Variants in BGLAP observed in about 807,000 individuals in gnomAD.
The protein encoded by BGLAP is osteocalcin.
BGLAP carries 15 observed loss-of-function variants against 13.7 expected under a neutral mutation model. The ratio of observed to expected loss-of-function variants is 1.09; its 90% confidence interval spans 0.73 to 1.68. The LOEUF is 1.68. BGLAP is among the 40% of genes most tolerant of loss of function. The pLI is 0.00. For synonymous variants in BGLAP, 67 were observed against 56.2 expected, an observed-to-expected ratio of 1.19 and a Z score of -0.86; for missense variants, 120 against 134.3, an observed-to-expected ratio of 0.89 and a Z score of 0.53.
Position 156,243,155 on chromosome 1 carries a change from C to G in BGLAP, c.296C>G (p.Pro99Arg). 6.2e-7 allele frequency: 1 copy of G among 1,613,812 alleles called. No individual in the cohort carries two copies. The stretch of plus-strand genomic sequence containing the variant: ...GAGGCCTATCGGCGCTTCTACGGCC[C>G]GGTCTAGGGTGTCGCTCTGCTGGCC... ...FQEAYRRFYG[P>R]V The change falls in exon 4 of 4, where the codon CCG becomes CGG. Residue 99 changes from proline to arginine, a missense_variant. Transcript: ENST00000368272.
At chr1:156,242,628 C>G in intron 2 of BGLAP, 37 bp downstream of exon 2, 1 of 1,581,598 alleles carries the variant, frequency 6.3e-7, no homozygotes, top group Non-Finnish European at 8.6e-7. Flanking sequence ...TGGACCCTCC[C>G]CTCTCACCCT....
chr1:156,243,231 C>T lies in BGLAP; in HGVS notation c.*69C>T. 6.3e-7 allele frequency: 1 copy of T among 1,598,282 alleles called. No homozygotes were observed. ...TCTCCAGGCACCCTTCTTTCCTCTTCCCCTTGCCCTTGCCCTGACCTCCCA... is the reference window on the plus strand; with the variant it reads ...TCTCCAGGCACCCTTCTTTCCTCTTTCCCTTGCCCTTGCCCTGACCTCCCA... On this transcript the variant is annotated 3_prime_UTR_variant, in exon 4 of 4. Transcript: ENST00000368272.
Position 156,243,102 on chromosome 1 carries a change from C to A in BGLAP, c.243C>A (p.Asp81Glu), listed in dbSNP as rs775628553. Residue 81 changes from aspartate to glutamate, a missense_variant, in exon 4 of 4, where the codon GAC (aspartate) becomes GAA (glutamate). Transcript: ENST00000368272. ...TGTGTGAGCTCAATCCGGACTGTGA[C>A]GAGTTGGCTGACCACATCGGCTTTC... is the stretch of plus-strand genomic sequence containing the variant. ...REVCELNPDC[D>E]ELADHIGFQE... is the part of the protein sequence containing the mutation. The A allele has an allele frequency of 2.4e-5, 39 of 1,614,030 alleles. No individual in the cohort carries two copies. The highest frequency in any genetic ancestry group is 3.1e-5 in the Non-Finnish European group (37 of 1,180,014).
At chr1:156,242,450 G>A in intron 1 of BGLAP, 103 bp from the exon 2 acceptor site, 1 of 1,548,416 alleles carries the variant, frequency 6.5e-7, no homozygotes, top group Non-Finnish European at 8.7e-7. Flanking sequence ...CTCTGCCCTT[G>A]CAGAGGGAGA....
At chr1:156,242,636 C>T (rs1659508505) in intron 2 of BGLAP, 45 bp downstream of exon 2, 2 of 1,589,816 alleles carry the variant, frequency 1.3e-6, no homozygotes, top group Middle Eastern at 1.7e-4. Flanking sequence ...CCCCTCTCAC[C>T]CTGGTCCCTC....
Position 156,242,799 on chromosome 1 carries a change from GAGACCCA to G in BGLAP, c.142_148del (p.Arg48GlyfsTer?). The G allele has an allele frequency of 3.7e-6, 6 of 1,602,226 alleles. No homozygotes were observed. The highest frequency in any genetic ancestry group is 5.1e-6 in the Non-Finnish European group (6 of 1,173,178). On this transcript the variant is annotated frameshift_variant, in exon 3 of 4. Coordinates refer to ENST00000368272, the MANE Select transcript of BGLAP (RefSeq NM_199173.6). LOFTEE classifies it high-confidence loss of function. ...AGCAGGAGGGCAGCGAGGTAGTGAAGAGACCCAGGCGCTACCTGTATCAATGGCTGGG... is the reference window on the plus strand; with the variant it reads ...AGCAGGAGGGCAGCGAGGTAGTGAAGGGCGCTACCTGTATCAATGGCTGGG...
Position 156,242,584 on chromosome 1 carries a change from A to T in BGLAP, c.96A>T (p.Lys32Asn). 1 of 1,555,686 alleles carries T rather than the reference A, an allele frequency of 6.4e-7. No individual in the cohort carries two copies. The highest frequency in any genetic ancestry group is 8.7e-7 in the Non-Finnish European group (1 of 1,149,058). The change falls in exon 2 of 4, where the codon AAA becomes AAT. Residue 32 changes from lysine (K) to asparagine (N), a missense_variant. Physicochemically the swap from Lys to Asn is moderately conservative, Grantham distance 94. Coordinates refer to ENST00000368272, the MANE Select transcript of BGLAP (RefSeq NM_199173.6). ...AGCCCAGCGGTGCAGAGTCCAGCAA[A>T]GGTGCAGGTATGAGGATGGACCTGA... ...GAKPSGAESS[K>N]GAAFVSKQEG...
chr1:156,242,987 T>A (rs1659554580), intron 3 of BGLAP, 46 bp from the exon 4 acceptor site: 1 of 1,612,414 alleles, frequency 6.2e-7, no homozygotes, highest in Admixed American at 1.7e-5. Context: ...AGAGGAGGGA[T>A]GGGCATTTTG....
Sources: allele counts gnomAD v4.1 joint callset, GRCh38; gene constraint gnomAD v4.1.1; transcripts MANE v1.5; gene names NCBI Gene and HGNC (gene_info 2026-07-23, HGNC 2026-07-21).